GRIK2: variants seen among roughly 807,000 people sequenced by gnomAD.
The protein encoded by GRIK2 is glutamate ionotropic receptor kainate type subunit 2, also known as glutamate receptor ionotropic, kainate 2.
Under a neutral mutation model 100.3 loss-of-function variants are expected in GRIK2, and 32 were observed. The ratio of observed to expected loss-of-function variants is 0.32; its 90% CI spans 0.24 to 0.43. The LOEUF (loss-of-function observed/expected upper bound fraction) is 0.43. Ranked by LOEUF, GRIK2 falls within the 20% of genes least tolerant of loss-of-function variation. The pLI is 1.00. For synonymous variants in GRIK2, 417 were observed against 389.4 expected, an observed-to-expected ratio of 1.07 and a Z score of -0.83; for missense variants, 843 against 1,114.9, an observed-to-expected ratio of 0.76 and a Z score of 3.47.
At chr6:101,742,633 T>C (rs1776111344) in intron 7 of GRIK2, among the ~76,000 whole-genome samples, 1 of 152,192 alleles carries the variant, frequency 6.6e-6, no homozygotes. Context: ...TTCCAGGCTA[T>C]AGATAAATTG....
chr6:101,922,982 C>G lies in GRIK2; in HGVS notation c.1749-1619C>G, dbSNP rs534638917. Among the ~76,000 whole-genome samples the G allele has an allele frequency of 2.6e-4, 39 of 152,294 alleles. 2 individuals carry two copies. In the South Asian group the frequency reaches 7.9e-3, roughly 31 times the overall value. On this transcript the variant is annotated intron_variant, in intron 12 of 16. Transcript: ENST00000369134. Reference sequence around the variant, plus strand: ...TCTAAAACCAAAGCTAGTTCTATTTCAGTCAGACACAACAAATCAACTTAC... The same window carrying G: ...TCTAAAACCAAAGCTAGTTCTATTTGAGTCAGACACAACAAATCAACTTAC...
At chr6:101,685,141 G>T (rs1220826300) in intron 6 of GRIK2, among the ~76,000 whole-genome samples, 2 of 152,044 alleles carry the variant, frequency 1.3e-5, no homozygotes, top group Non-Finnish European at 2.9e-5. Flanking sequence ...GACTTCTTTT[G>T]CATTTATGAT....
chr6:101,412,226 A>G (rs943573169), intron 2 of GRIK2, among the ~76,000 whole-genome samples: 1 of 152,046 alleles, frequency 6.6e-6, no homozygotes, highest in Non-Finnish European at 1.5e-5. Flanking sequence ...ATATTCTTAT[A>G]TATTTGTTTT....
At chr6:101,478,267 C>T (rs990020165) in intron 2 of GRIK2, among the ~76,000 whole-genome samples, 9 of 151,866 alleles carry the variant, frequency 5.9e-5, no homozygotes, top group East Asian at 1.9e-4. Context: ...ATTTTAGTTT[C>T]GAAAAGACAA....
intron 2 of GRIK2, among the ~76,000 whole-genome samples, chr6:101,592,588 C>CATATATAT (rs3056161): frequency 0.011 from 1,129 of 101,778 alleles, 16 homozygotes; most frequent in Admixed American, 0.016. Context: ...ACTAATATCA[C>CATATATAT]ATATATATAT....
chr6:101,705,189 G>A (rs1485969964), intron 7 of GRIK2, among the ~76,000 whole-genome samples: 2 of 151,270 alleles, frequency 1.3e-5, no homozygotes, highest in African/African-American at 4.8e-5. Flanking sequence ...GCATTAATGT[G>A]TATAACATAA....
At chr6:101,608,117 C>G (rs1481885289) in intron 2 of GRIK2, among the ~76,000 whole-genome samples, 1 of 151,724 alleles carries the variant, frequency 6.6e-6, no homozygotes, top group African/African-American at 2.4e-5. Flanking sequence ...CAATAGAAAA[C>G]TGAAGTATAA....
intron 7 of GRIK2, among the ~76,000 whole-genome samples, chr6:101,783,309 A>G (rs1218584887): frequency 1.4e-5 from 2 of 147,960 alleles, no homozygotes; most frequent in Non-Finnish European, 3.0e-5. Flanking sequence ...ACAGTTTCCC[A>G]TTTGCATGCT....
At chr6:102,003,361 G>A (rs1795048600) in intron 14 of GRIK2, among the ~76,000 whole-genome samples, 2 of 151,568 alleles carry the variant, frequency 1.3e-5, no homozygotes, top group South Asian at 2.1e-4. Flanking sequence ...TTTCTATTTT[G>A]CTATTTACTT....
At chr6:101,432,930 C>A (rs9498588) in intron 2 of GRIK2, among the ~76,000 whole-genome samples, 1 of 152,016 alleles carries the variant, frequency 6.6e-6, no homozygotes, top group Non-Finnish European at 1.5e-5. Context: ...GATCTACCCC[C>A]TTTCCAGACT....
chr6:102,062,254 T>A (rs1771789485), intron 16 of GRIK2, among the ~76,000 whole-genome samples: 1 of 150,570 alleles, frequency 6.6e-6, no homozygotes, highest in African/African-American at 2.4e-5. Context: ...AAGAAAGATA[T>A]GTATTTCTTT....
At chr6:101,674,562 GTTC>G (rs1291028737) in intron 4 of GRIK2, among the ~76,000 whole-genome samples, 1 of 152,106 alleles carries the variant, frequency 6.6e-6, no homozygotes, top group Non-Finnish European at 1.5e-5. Flanking sequence ...GGTATTACAA[GTTC>G]AAGTACCTAT....
intron 11 of GRIK2, among the ~76,000 whole-genome samples, chr6:101,877,013 T>C (rs1785898617): frequency 6.6e-6 from 1 of 151,928 alleles, no homozygotes; most frequent in Non-Finnish European, 1.5e-5. Context: ...ATACAAATAA[T>C]AATACTAGCA....
At chr6:101,559,495 T>C (rs1026931262) in intron 2 of GRIK2, among the ~76,000 whole-genome samples, 6 of 152,208 alleles carry the variant, frequency 3.9e-5, no homozygotes, top group African/African-American at 1.2e-4. Flanking sequence ...TGACCATAGG[T>C]ATTTAAGTTA....
intron 14 of GRIK2, among the ~76,000 whole-genome samples, chr6:101,953,628 A>G (rs74777097): frequency 6.6e-6 from 1 of 152,174 alleles, no homozygotes; most frequent in Non-Finnish European, 1.5e-5. Context: ...TTGAATTGTA[A>G]GAGTATTTTT....
chr6:101,572,076 A>G (rs1777565203), intron 2 of GRIK2, among the ~76,000 whole-genome samples: 1 of 151,980 alleles, frequency 6.6e-6, no homozygotes, highest in Non-Finnish European at 1.5e-5. Flanking sequence ...GTTGATCTTG[A>G]TTACTATTCT....
At chr6:101,613,362 T>C (rs1779761581) in intron 2 of GRIK2, among the ~76,000 whole-genome samples, 1 of 151,760 alleles carries the variant, frequency 6.6e-6, no homozygotes, top group Non-Finnish European at 1.5e-5. Flanking sequence ...AAAGCAAAAC[T>C]GAATATGACC....
chr6:101,433,725 A>G (rs1409665270), intron 2 of GRIK2, among the ~76,000 whole-genome samples: 2 of 152,170 alleles, frequency 1.3e-5, no homozygotes. Flanking sequence ...TCCAAAACAG[A>G]GCAATGGCCC....
intron 2 of GRIK2, among the ~76,000 whole-genome samples, chr6:101,465,324 T>G (rs1457698007): frequency 6.6e-6 from 1 of 152,182 alleles, no homozygotes; most frequent in Non-Finnish European, 1.5e-5. Context: ...TTGATGTCCA[T>G]GTATATATAT....
Sources: allele counts gnomAD v4.1 joint callset (sites outside exome capture counted in the v4.1 genomes callset), GRCh38; gene constraint gnomAD v4.1.1; transcripts MANE v1.5; gene names NCBI Gene and HGNC (gene_info 2026-07-23, HGNC 2026-07-21).